Variants in RGL1 observed in about 807,000 individuals in gnomAD.
RGL1 encodes ral guanine nucleotide dissociation stimulator-like 1.
In RGL1, 24 loss-of-function variants were observed where a neutral mutation model predicts 95.2. The ratio of observed to expected loss-of-function variants is 0.25; its 90% confidence interval spans 0.18 to 0.35. The LOEUF is 0.35. RGL1 is among the 10% of genes least tolerant of loss of function. The pLI, the probability that RGL1 is intolerant of heterozygous loss-of-function variation, is 1.00. For missense variants in RGL1, 715 were observed against 936.3 expected (o/e 0.76, Z 3.08); for synonymous variants, 329 against 344.9 (o/e 0.95, Z 0.51).
chr1:183,868,610 T>C (rs1051669346), intron 4 of RGL1, among the ~76,000 whole-genome samples: 5 of 152,202 alleles, frequency 3.3e-5, no homozygotes, highest in Non-Finnish European at 7.3e-5. Context: ...GAAAACTCAC[T>C]AAGATAATGA....
intron 1 of RGL1, among the ~76,000 whole-genome samples, chr1:183,651,556 GT>G (rs140989850): frequency 3.1e-4 from 47 of 152,280 alleles, no homozygotes; most frequent in African/African-American, 1.1e-3. Flanking sequence ...CCAGCTGTAG[GT>G]GGAATGTAGC....
chr1:183,878,194 ATCTG>A (rs926336345), intron 4 of RGL1, among the ~76,000 whole-genome samples: 17 of 148,296 alleles, frequency 1.1e-4, no homozygotes, highest in East Asian at 7.8e-4. Flanking sequence ...CTATCTATCT[ATCTG>A]TCTATCTTTT....
intron 2 of RGL1, among the ~76,000 whole-genome samples, chr1:183,826,364 ACTGT>A (rs1429484205): frequency 6.6e-6 from 1 of 151,936 alleles, no homozygotes; most frequent in African/African-American, 2.4e-5. Context: ...CCTTAACACC[ACTGT>A]CTAATATACC....
At chr1:183,637,116 A>G (rs1443483080) in intron 1 of RGL1, among the ~76,000 whole-genome samples, 2 of 152,220 alleles carry the variant, frequency 1.3e-5, no homozygotes, top group African/African-American at 2.4e-5. Context: ...ATTCCTCATC[A>G]CTGAAATGGA....
intron 2 of RGL1, among the ~76,000 whole-genome samples, chr1:183,841,096 A>G (rs995888245): frequency 6.6e-6 from 1 of 152,166 alleles, no homozygotes; most frequent in Non-Finnish European, 1.5e-5. Flanking sequence ...CCAGAACTGC[A>G]TGCTATTTAC....
At chr1:183,672,946 T>G (rs1652571161) in intron 1 of RGL1, among the ~76,000 whole-genome samples, 1 of 152,238 alleles carries the variant, frequency 6.6e-6, no homozygotes. Flanking sequence ...GCATGTTTGT[T>G]ACATAGGTAA....
chr1:183,887,776 A>G (rs1372770901), intron 7 of RGL1, among the ~76,000 whole-genome samples: 1 of 152,204 alleles, frequency 6.6e-6, no homozygotes, highest in Non-Finnish European at 1.5e-5. Context: ...AGAAAATGGC[A>G]TCCAGAATGT....
At chr1:183,802,846 C>T (rs908659576), upstream of RGL1, among the ~76,000 whole-genome samples, 2 of 152,146 alleles carry the variant, frequency 1.3e-5, no homozygotes, top group African/African-American at 4.8e-5. Flanking sequence ...AACCTATCCT[C>T]TCAGGACTCT....
chr1:183,717,541 A>T (rs1275476704), intron 1 of RGL1, among the ~76,000 whole-genome samples: 1 of 152,266 alleles, frequency 6.6e-6, no homozygotes. Flanking sequence ...ATAGCCTGAT[A>T]GTGACAGAAA....
chr1:183,662,117 A>C (rs1033882048), intron 1 of RGL1, among the ~76,000 whole-genome samples: 8 of 151,334 alleles, frequency 5.3e-5, no homozygotes, highest in African/African-American at 1.7e-4. Flanking sequence ...CTTAATGGGC[A>C]AAAACTCGAA....
intron 9 of RGL1, 63 bp from the exon 10 acceptor site, chr1:183,897,745 C>G: frequency 7.8e-7 from 1 of 1,276,716 alleles, no homozygotes; most frequent in Non-Finnish European, 1.1e-6. Context: ...CTAGATGCCT[C>G]TTTACTTCTT....
At chr1:183,786,115 CT>C (rs1359612141) in intron 2 of RGL1, among the ~76,000 whole-genome samples, 1 of 151,722 alleles carries the variant, frequency 6.6e-6, no homozygotes, top group African/African-American at 2.4e-5. Context: ...ATGGAAAATG[CT>C]TTTGTCTAGG....
chr1:183,767,692 C>G (rs1008439834), intron 2 of RGL1, among the ~76,000 whole-genome samples: 1 of 152,226 alleles, frequency 6.6e-6, no homozygotes, highest in Non-Finnish European at 1.5e-5. Flanking sequence ...GTGGCTCACA[C>G]CTGTAATCCC....
chr1:183,648,936 A>G (rs1650519820), intron 1 of RGL1: 1 of 609,720 alleles, frequency 1.6e-6, no homozygotes, highest in Non-Finnish European at 2.8e-6. Context: ...ATATGCATAG[A>G]TTTAAAAGCT....
At chr1:183,739,696 T>C (rs1336144080) in intron 1 of RGL1, among the ~76,000 whole-genome samples, 1 of 152,198 alleles carries the variant, frequency 6.6e-6, no homozygotes, top group African/African-American at 2.4e-5. Flanking sequence ...TGAAGAGCCT[T>C]GTAAGAACTG....
chr1:183,691,394 T>G (rs1161616675), intron 1 of RGL1, among the ~76,000 whole-genome samples: 1 of 152,180 alleles, frequency 6.6e-6, no homozygotes, highest in Non-Finnish European at 1.5e-5. Flanking sequence ...AAGTGATAGC[T>G]CTATCATGTT....
intron 3 of RGL1, among the ~76,000 whole-genome samples, chr1:183,853,570 A>T (rs1448672811): frequency 6.6e-6 from 1 of 152,212 alleles, no homozygotes; most frequent in African/African-American, 2.4e-5. Context: ...TTGCTTGCTT[A>T]TGGTGCAGAG....
Position 183,805,165 on chromosome 1 carries a change from C to T in RGL1, c.-133C>T, listed in dbSNP as rs1383293098. 5.9e-6 allele frequency: 7 copies of T among 1,194,646 alleles called. No individual in the cohort carries two copies. The Admixed American group carries it at 2.6e-4, about 45-fold the overall frequency. 74.0% of individuals were successfully genotyped at this position (1,194,646 alleles called of 1,614,324 possible). On this transcript the variant is annotated 5_prime_UTR_variant, in exon 1 of 18. Transcript: ENST00000360851. Reference sequence around the variant, plus strand: ...CGGCGGCGGCGGGGGCAGCGCGGCGCGTGTCTGTGCGCTGCGGTCGCTCGG... The same window carrying T: ...CGGCGGCGGCGGGGGCAGCGCGGCGTGTGTCTGTGCGCTGCGGTCGCTCGG...
intron 5 of RGL1, among the ~76,000 whole-genome samples, chr1:183,881,383 A>T (rs1666818846): frequency 6.6e-6 from 1 of 152,232 alleles, no homozygotes; most frequent in Admixed American, 6.5e-5. Context: ...GCCTCATCAA[A>T]GGAAGTTTCT....
Sources: gnomAD v4.1 joint callset for allele counts (sites outside exome capture counted in the v4.1 genomes callset) on GRCh38, gnomAD v4.1.1 for gene constraint, MANE v1.5 for transcripts, NCBI Gene and HGNC (gene_info 2026-07-23, HGNC 2026-07-21) for gene names.